Variants in POLR1C observed in about 807,000 individuals in gnomAD.
POLR1C encodes the protein RNA polymerase I and III subunit C.
Under a neutral mutation model 38.3 loss-of-function variants are expected in POLR1C, and 42 were observed. The observed-to-expected ratio is 1.10, with a 90% CI of 0.86 to 1.42. The LOEUF is 1.42. Ranked by LOEUF, POLR1C falls within the 40% of genes most tolerant of loss-of-function variation. POLR1C has a pLI of 0.00. For synonymous variants in POLR1C, 163 were observed against 163.9 expected (o/e 0.99, Z 0.04); for missense variants, 507 against 450.5 (o/e 1.13, Z -1.14).
intron 9 of POLR1C, among the ~76,000 whole-genome samples, chr6:43,542,404 T>G (rs1794741096): frequency 6.6e-6 from 1 of 152,136 alleles, no homozygotes; most frequent in Non-Finnish European, 1.5e-5. Context: ...AATAGTAATT[T>G]ATTTATTTTT....
At chr6:43,550,080 G>T in intron 9 of POLR1C, 1 of 780,590 alleles carries the variant, frequency 1.3e-6, no homozygotes. Flanking sequence ...ACGGGCATGA[G>T]CTTATTCATA....
chr6:43,552,820 T>C (rs1271255881), intron 10 of POLR1C, among the ~76,000 whole-genome samples: 1 of 152,224 alleles, frequency 6.6e-6, no homozygotes, highest in South Asian at 2.1e-4. Flanking sequence ...GTGGCCACTA[T>C]ACTGGTGGCG....
At chr6:43,548,334 C>G in intron 9 of POLR1C, 1 of 1,613,552 alleles carries the variant, frequency 6.2e-7, no homozygotes, top group South Asian at 1.1e-5. Context: ...TTCTGACGCT[C>G]GTAGTTCTTA....
At chr6:43,546,832 T>G in intron 9 of POLR1C, 1 of 1,375,192 alleles carries the variant, frequency 7.3e-7, no homozygotes. Flanking sequence ...ATATTCAAGG[T>G]TCTGGCAAAA....
chr6:43,561,442 G>C (rs780044187), exon 11 of POLR1C: 2 of 156,506 alleles, frequency 1.3e-5, no homozygotes, highest in Non-Finnish European at 2.8e-5. Context: ...GCAGTGGCAC[G>C]ATCTCGGCTC....
At chr6:43,538,657 CTA>C (rs1161390157) in intron 9 of POLR1C, among the ~76,000 whole-genome samples, 2 of 152,072 alleles carry the variant, frequency 1.3e-5, no homozygotes, top group African/African-American at 4.8e-5. Context: ...ATTTTCGTCT[CTA>C]TGTTTACAAG....
At chr6:43,536,787 A>AAAAG (rs1561869431) in intron 9 of POLR1C, among the ~76,000 whole-genome samples, 26 of 148,544 alleles carry the variant, frequency 1.8e-4, no homozygotes, top group African/African-American at 6.1e-4. Flanking sequence ...AAAAAAAAAA[A>AAAAG]AAAGCAGCTT....
intron 9 of POLR1C, among the ~76,000 whole-genome samples, chr6:43,550,470 C>T (rs1405377120): frequency 6.6e-6 from 1 of 152,110 alleles, no homozygotes; most frequent in Non-Finnish European, 1.5e-5. Flanking sequence ...GCTCTTTTTC[C>T]TTCTGTGGGG....
downstream of POLR1C, chr6:43,522,627 T>C (rs1793261857): frequency 9.8e-6 from 4 of 407,430 alleles, no homozygotes; most frequent in Non-Finnish European, 2.2e-5. Flanking sequence ...CTTCCCCAGC[T>C]TTGCTTCTTC....
chr6:43,522,460 A>G (rs144128030), downstream of POLR1C: 318 of 164,278 alleles, frequency 1.9e-3, 2 homozygotes, highest in African/African-American at 6.8e-3. Context: ...AAATATTACA[A>G]TGCAATAAAT....
intron 10 of POLR1C, chr6:43,555,890 C>G: frequency 6.2e-7 from 1 of 1,613,984 alleles, no homozygotes; most frequent in South Asian, 1.1e-5. Context: ...AGCCACTCCC[C>G]AGCCATCTGG....
chr6:43,546,536 G>GA, intron 9 of POLR1C: 1 of 1,572,116 alleles, frequency 6.4e-7, no homozygotes. Flanking sequence ...AGGTAAAGTA[G>GA]AAAACAACAG....
At chr6:43,525,934 A>G (rs1793557271), downstream of POLR1C, 2 of 1,613,518 alleles carry the variant, frequency 1.2e-6, no homozygotes, top group African/African-American at 1.3e-5. Context: ...GTTATCAGAG[A>G]GTAGAATGTT....
chr6:43,559,635 T>C (rs897870076), intron 10 of POLR1C, among the ~76,000 whole-genome samples: 4 of 152,232 alleles, frequency 2.6e-5, no homozygotes, highest in Admixed American at 6.5e-5. Context: ...AATTATTACA[T>C]TGTATGGTCA....
downstream of POLR1C, among the ~76,000 whole-genome samples, chr6:43,534,162 G>A (rs895731841): frequency 1.3e-5 from 2 of 152,154 alleles, no homozygotes; most frequent in Non-Finnish European, 2.9e-5. Flanking sequence ...CTGAATGCTC[G>A]CTGGAGGAGG....
chr6:43,537,306 T>C (rs916431649), intron 9 of POLR1C, among the ~76,000 whole-genome samples: 2 of 152,184 alleles, frequency 1.3e-5, no homozygotes, highest in Non-Finnish European at 2.9e-5. Flanking sequence ...CTGTCATAGA[T>C]CAACCTGTAA....
At chr6:43,542,064 T>C (rs190897069) in intron 9 of POLR1C, among the ~76,000 whole-genome samples, 16 of 152,342 alleles carry the variant, frequency 1.1e-4, no homozygotes, top group Non-Finnish European at 1.9e-4. Flanking sequence ...ATTACATGCA[T>C]GAGCCACCGC....
Position 43,526,762 on chromosome 6 carries a change from C to T in POLR1C, c.923-2487C>T, listed in dbSNP as rs752305335. The T allele has an allele frequency of 3.4e-5, 55 of 1,612,812 alleles. No homozygotes were observed. Among genetic ancestry groups the T allele is most frequent in the Admixed American group, 2.3e-4 (14 of 59,848 alleles). On this transcript the variant is annotated intron_variant, in intron 8 of 8. Coordinates refer to the POLR1C transcript ENST00000304004. ...ACAGCAAACCGCTAAAGCAAGAAAGCAGGGTTACTAGGTGAAGGGTGGGTA... is the reference window on the plus strand; with the variant it reads ...ACAGCAAACCGCTAAAGCAAGAAAGTAGGGTTACTAGGTGAAGGGTGGGTA...
At chr6:43,555,587 T>G (rs1414795827) in intron 10 of POLR1C, 1 of 303,780 alleles carries the variant, frequency 3.3e-6, no homozygotes, top group East Asian at 5.8e-5. Flanking sequence ...TTGATTCTGT[T>G]AGAAATGGAA....
Sources: gnomAD v4.1 joint callset for allele counts (sites outside exome capture counted in the v4.1 genomes callset) on GRCh38, gnomAD v4.1.1 for gene constraint, MANE v1.5 for transcripts, NCBI Gene and HGNC (gene_info 2026-07-23, HGNC 2026-07-21) for gene names.